CCSER1: variants seen among roughly 807,000 people sequenced by gnomAD.
CCSER1 encodes serine-rich coiled-coil domain-containing protein 1.
Under a neutral mutation model 82.0 loss-of-function variants are expected in CCSER1, and 41 were observed. The ratio of observed to expected loss-of-function variants is 0.50; its 90% CI spans 0.39 to 0.65. CCSER1 has a LOEUF of 0.65. Among genes scored for constraint, CCSER1 ranks in the 30% least tolerant of loss-of-function variants. CCSER1 has a pLI of 0.00. For synonymous variants in CCSER1, 414 were observed against 383.9 expected (o/e 1.08, Z -0.92); for missense variants, 1,119 against 1,064.2 (o/e 1.05, Z -0.72).
intron 9 of CCSER1, among the ~76,000 whole-genome samples, chr4:90,954,396 T>G (rs1054715341): frequency 6.6e-6 from 1 of 152,098 alleles, no homozygotes; most frequent in Non-Finnish European, 1.5e-5. Flanking sequence ...AATTTTATAA[T>G]TCATTTCAGT....
At chr4:90,438,775 TCTATC>T (rs1427221056) in intron 4 of CCSER1, among the ~76,000 whole-genome samples, 1 of 45,550 alleles carries the variant, frequency 2.2e-5, no homozygotes, top group Non-Finnish European at 3.8e-5. Context: ...TTTGATATCT[TCTATC>T]TATCTATCTA....
At chr4:90,620,540 C>T (rs140468542) in intron 5 of CCSER1, among the ~76,000 whole-genome samples, 108 of 152,226 alleles carry the variant, frequency 7.1e-4, no homozygotes, top group African/African-American at 2.0e-3. Context: ...CTTGAATCAT[C>T]GTAGTTTCAA....
At chr4:90,954,994 T>C (rs1308584099) in intron 9 of CCSER1, among the ~76,000 whole-genome samples, 1 of 152,200 alleles carries the variant, frequency 6.6e-6, no homozygotes, top group East Asian at 1.9e-4. Context: ...TTTCACCTCC[T>C]CAAGTCTTTC....
Position 90,208,684 on chromosome 4 carries a change from A to G in CCSER1, c.-42+80853A>G, listed in dbSNP as rs1739388870. Among the ~76,000 whole-genome samples the G allele has an allele frequency of 2.0e-5, 3 of 152,158 alleles. No individual in the cohort carries two copies. The South Asian group carries it at 6.2e-4, about 32-fold the overall frequency. ...CTGTGGGTTGCAAAGACTCTGGGAA[A>G]AGCATAGTATCTGGGCCAGAATGCA... On this transcript the variant is annotated intron_variant, in intron 1 of 10. Coordinates refer to ENST00000509176, the MANE Select transcript of CCSER1 (RefSeq NM_001145065.2).
intron 3 of CCSER1, among the ~76,000 whole-genome samples, chr4:90,387,063 C>T (rs768650056): frequency 3.3e-5 from 5 of 151,998 alleles, no homozygotes; most frequent in African/African-American, 1.2e-4. Flanking sequence ...ATAAGGAATA[C>T]GTTAATTTTT....
Position 91,077,791 on chromosome 4 carries a change from G to C in CCSER1, c.2173-8159G>C, listed in dbSNP as rs192570252. Reference sequence around the variant, plus strand: ...GGTCTTAGCAAACAGCACACCAGGAGATTATATCCCACACCTGGTTCAGAG... The same window carrying C: ...GGTCTTAGCAAACAGCACACCAGGACATTATATCCCACACCTGGTTCAGAG... On this transcript the variant is annotated intron_variant, in intron 9 of 10. Coordinates refer to ENST00000509176, the MANE Select transcript of CCSER1 (RefSeq NM_001145065.2). Among the ~76,000 whole-genome samples the C allele has an allele frequency of 2.4e-3, 369 of 152,332 alleles. 2 individuals are homozygous for C. The highest frequency in any genetic ancestry group is 8.7e-3 in the African/African-American group (360 of 41,574).
At chr4:90,347,810 A>C (rs1322058399) in intron 3 of CCSER1, among the ~76,000 whole-genome samples, 2 of 152,166 alleles carry the variant, frequency 1.3e-5, no homozygotes, top group African/African-American at 4.8e-5. Context: ...TGTTCAGTTG[A>C]AGTAAAAGGC....
intron 3 of CCSER1, among the ~76,000 whole-genome samples, chr4:90,315,529 G>A (rs1190535978): frequency 6.6e-6 from 1 of 151,978 alleles, no homozygotes; most frequent in Non-Finnish European, 1.5e-5. Flanking sequence ...TTTTAAGGCA[G>A]AGTCTCACTC....
chr4:90,479,101 T>C (rs1020595820), intron 5 of CCSER1, among the ~76,000 whole-genome samples: 6 of 149,850 alleles, frequency 4.0e-5, no homozygotes, highest in Admixed American at 1.3e-4. Flanking sequence ...GAAATCATTC[T>C]TTTTTTTTTC....
intron 9 of CCSER1, among the ~76,000 whole-genome samples, chr4:90,940,497 T>A (rs1731465784): frequency 7.4e-6 from 1 of 135,596 alleles, no homozygotes; most frequent in Non-Finnish European, 1.7e-5. Context: ...TTTATAAATA[T>A]TTATTTGATT....
intron 9 of CCSER1, among the ~76,000 whole-genome samples, chr4:90,965,496 A>G (rs1371165554): frequency 6.6e-6 from 1 of 152,186 alleles, no homozygotes; most frequent in Non-Finnish European, 1.5e-5. Context: ...ATACATACAC[A>G]AAACCAATTG....
chr4:91,115,072 T>A (rs1394355948), intron 10 of CCSER1, among the ~76,000 whole-genome samples: 2 of 152,220 alleles, frequency 1.3e-5, no homozygotes, highest in Non-Finnish European at 2.9e-5. Context: ...GAAATAGTTT[T>A]AACTTCTAAT....
chr4:90,925,218 A>T (rs900497225), intron 9 of CCSER1, among the ~76,000 whole-genome samples: 1 of 152,194 alleles, frequency 6.6e-6, no homozygotes, highest in African/African-American at 2.4e-5. Context: ...CTACAAGTTA[A>T]ATTAGAATCC....
intron 5 of CCSER1, among the ~76,000 whole-genome samples, chr4:90,590,655 A>G (rs1170572804): frequency 1.3e-5 from 2 of 151,494 alleles, no homozygotes; most frequent in African/African-American, 2.4e-5. Flanking sequence ...CCATAAGCCT[A>G]TATGTCTGTT....
intron 10 of CCSER1, among the ~76,000 whole-genome samples, chr4:91,119,846 AT>A (rs1223002721): frequency 4.6e-5 from 7 of 152,044 alleles, no homozygotes; most frequent in Non-Finnish European, 7.4e-5. Context: ...TGTAAAGCAT[AT>A]TTTTTAAAAG....
At chr4:90,660,930 T>C (rs1272937829) in intron 6 of CCSER1, among the ~76,000 whole-genome samples, 3 of 147,256 alleles carry the variant, frequency 2.0e-5, no homozygotes, top group Admixed American at 1.4e-4. Flanking sequence ...GAGTAAATAA[T>C]ATAAATTTTT....
At chr4:90,840,030 C>T (rs1179887411) in intron 8 of CCSER1, among the ~76,000 whole-genome samples, 1 of 151,676 alleles carries the variant, frequency 6.6e-6, no homozygotes, top group Non-Finnish European at 1.5e-5. Context: ...AAATATAATA[C>T]AATATATGTT....
At chr4:90,588,025 C>A (rs925533090) in intron 5 of CCSER1, among the ~76,000 whole-genome samples, 2 of 152,096 alleles carry the variant, frequency 1.3e-5, no homozygotes, top group Non-Finnish European at 2.9e-5. Context: ...TAAAAAAGTC[C>A]ATACTTTAAT....
At chr4:90,923,976 T>C (rs1024859821) in intron 9 of CCSER1, among the ~76,000 whole-genome samples, 2 of 152,176 alleles carry the variant, frequency 1.3e-5, no homozygotes, top group African/African-American at 2.4e-5. Context: ...ACTGTCAAAA[T>C]AGGATTGTAA....
Sources: allele counts gnomAD v4.1 joint callset (sites outside exome capture counted in the v4.1 genomes callset), GRCh38; gene constraint gnomAD v4.1.1; transcripts MANE v1.5; gene names NCBI Gene and HGNC (gene_info 2026-07-23, HGNC 2026-07-21).